SHISA9: variants seen among roughly 807,000 people sequenced by gnomAD.
SHISA9 encodes protein shisa-9.
A neutral mutation model predicts 38.0 loss-of-function variants in SHISA9; 13 were observed. That is an observed-to-expected ratio of 0.34 (90% CI 0.22 to 0.54). The LOEUF (loss-of-function observed/expected upper bound fraction) is 0.54, where lower values mean the gene tolerates loss of function less well. SHISA9 is among the 20% of genes least tolerant of loss of function. The pLI, the probability that SHISA9 is intolerant of heterozygous loss-of-function variation, is 0.91. For synonymous variants in SHISA9, 275 were observed against 242.0 expected, an observed-to-expected ratio of 1.14 and a Z score of -1.27; for missense variants, 538 against 575.8, an observed-to-expected ratio of 0.93 and a Z score of 0.67.
intron 2 of SHISA9, among the ~76,000 whole-genome samples, chr16:13,067,609 G>A (rs966053824): frequency 6.6e-6 from 1 of 152,246 alleles, no homozygotes; most frequent in Non-Finnish European, 1.5e-5. Context: ...TTGCACCACT[G>A]CAAACCAGCC....
At chr16:13,496,821 A>G in the SHISA9 span, among the ~76,000 whole-genome samples, 4 of 152,184 alleles carry the variant, frequency 2.6e-5, no homozygotes, top group African/African-American at 7.2e-5. Context: ...AAATACACAC[A>G]CACGATCTTG....
the SHISA9 span, among the ~76,000 whole-genome samples, chr16:13,436,481 A>T: frequency 6.6e-6 from 1 of 152,232 alleles, no homozygotes; most frequent in Non-Finnish European, 1.5e-5. Flanking sequence ...CAGAAAACTC[A>T]TCAATAATCT....
intron 2 of SHISA9, among the ~76,000 whole-genome samples, chr16:13,085,662 T>C (rs182785755): frequency 1.1e-4 from 17 of 152,248 alleles, no homozygotes; most frequent in Non-Finnish European, 2.2e-4. Context: ...ACCGCCTGGG[T>C]GTAGGAATTC....
At chr16:13,521,153 C>T in the SHISA9 span, among the ~76,000 whole-genome samples, 1 of 152,168 alleles carries the variant, frequency 6.6e-6, no homozygotes, top group Non-Finnish European at 1.5e-5. Context: ...ACAAACTGTT[C>T]CACACCTGAT....
At chr16:13,393,965 G>T in the SHISA9 span, among the ~76,000 whole-genome samples, 1 of 152,086 alleles carries the variant, frequency 6.6e-6, no homozygotes, top group African/African-American at 2.4e-5. Context: ...CACACTCTTT[G>T]CCACGGTGCT....
At chr16:13,028,727 G>A (rs1269504758) in intron 2 of SHISA9, among the ~76,000 whole-genome samples, 1 of 152,192 alleles carries the variant, frequency 6.6e-6, no homozygotes, top group Non-Finnish European at 1.5e-5. Flanking sequence ...CAATCCCCAT[G>A]GAGAAGAGCT....
the SHISA9 span, among the ~76,000 whole-genome samples, chr16:13,471,361 A>C: frequency 6.6e-6 from 1 of 152,170 alleles, no homozygotes; most frequent in Non-Finnish European, 1.5e-5. Flanking sequence ...CATCCAAGCA[A>C]ACTTGCAGTC....
intron 2 of SHISA9, among the ~76,000 whole-genome samples, chr16:13,043,612 G>A (rs1050256605): frequency 3.9e-5 from 6 of 152,170 alleles, no homozygotes; most frequent in Admixed American, 1.3e-4. Context: ...CTCCTGCGGT[G>A]GGAACTCCTT....
chr16:12,948,616 G>A (rs1359879939), intron 2 of SHISA9, among the ~76,000 whole-genome samples: 1 of 152,192 alleles, frequency 6.6e-6, no homozygotes, highest in African/African-American at 2.4e-5. Flanking sequence ...GTGACTTCTT[G>A]TGTCCTCACA....
intron 2 of SHISA9, among the ~76,000 whole-genome samples, chr16:13,194,472 C>T (rs2050917804): frequency 6.6e-6 from 1 of 152,172 alleles, no homozygotes; most frequent in South Asian, 2.1e-4. Context: ...TTCTCCTCTA[C>T]AAAATGGAGT....
At chr16:13,252,382 G>T in the SHISA9 span, among the ~76,000 whole-genome samples, 1 of 152,194 alleles carries the variant, frequency 6.6e-6, no homozygotes, top group African/African-American at 2.4e-5. Context: ...GGCATGTAGT[G>T]CATAGAGGCC....
At chr16:13,101,477 G>A (rs1309030434) in intron 2 of SHISA9, among the ~76,000 whole-genome samples, 1 of 152,182 alleles carries the variant, frequency 6.6e-6, no homozygotes, top group Non-Finnish European at 1.5e-5. Flanking sequence ...AAACCCAACA[G>A]AGAAATACTG....
At chr16:13,397,972 C>A in the SHISA9 span, among the ~76,000 whole-genome samples, 1 of 152,082 alleles carries the variant, frequency 6.6e-6, no homozygotes, top group Non-Finnish European at 1.5e-5. Flanking sequence ...GTGGTTTTTC[C>A]CTGGAGTCAG....
At position 13,096,560 on chromosome 16, in the gene SHISA9, A is replaced by G. The variant is rs118047368; in HGVS notation, c.692-106834A>G. ...AGTGTAGAGAAGATGGGGAAGGTTG[A>G]TATAGGCAGAGAAAATGTTTGAGTA... On this transcript the variant is annotated intron_variant, in intron 2 of 4. Coordinates refer to ENST00000558583, the MANE Select transcript of SHISA9 (RefSeq NM_001145204.3). Among the ~76,000 whole-genome samples, 1,460 of 152,252 alleles carry G rather than the reference A, an allele frequency of 9.6e-3. 8 individuals are homozygous for G. The highest frequency in any genetic ancestry group is 0.015 in the Non-Finnish European group (1,009 of 68,006).
chr16:12,985,590 T>G (rs948514808), intron 2 of SHISA9, among the ~76,000 whole-genome samples: 1 of 152,276 alleles, frequency 6.6e-6, no homozygotes, highest in South Asian at 2.1e-4. Context: ...AATTACCTAA[T>G]AAAAGTAATG....
intron 2 of SHISA9, among the ~76,000 whole-genome samples, chr16:13,188,781 T>C (rs549454622): frequency 1.4e-5 from 2 of 147,652 alleles, no homozygotes; most frequent in South Asian, 4.3e-4. Flanking sequence ...AAAGTATTAA[T>C]GTGAGTAAGG....
At chr16:13,096,479 G>C (rs2073829210) in intron 2 of SHISA9, among the ~76,000 whole-genome samples, 1 of 152,178 alleles carries the variant, frequency 6.6e-6, no homozygotes, top group Admixed American at 6.5e-5. Flanking sequence ...ACCTAGCTGG[G>C]GCTGGGGGCT....
At chr16:13,014,838 T>C (rs911533307) in intron 2 of SHISA9, among the ~76,000 whole-genome samples, 1 of 152,214 alleles carries the variant, frequency 6.6e-6, no homozygotes, top group African/African-American at 2.4e-5. Context: ...TCACAAGACT[T>C]CAAAGACACT....
At chr16:13,312,287 G>A in the SHISA9 span, among the ~76,000 whole-genome samples, 1 of 152,116 alleles carries the variant, frequency 6.6e-6, no homozygotes, top group African/African-American at 2.4e-5. Flanking sequence ...ACAGACAGTG[G>A]GCCAGATGTG....
Sources: gnomAD v4.1 joint callset for allele counts (sites outside exome capture counted in the v4.1 genomes callset) on GRCh38, gnomAD v4.1.1 for gene constraint, MANE v1.5 for transcripts, NCBI Gene and HGNC (gene_info 2026-07-23, HGNC 2026-07-21) for gene names.